Variants in BAALC observed in about 807,000 individuals in gnomAD.
BAALC encodes BAALC binder of MAP3K1 and KLF4.
A neutral mutation model predicts 15.5 loss-of-function variants in BAALC; 9 were observed. The observed-to-expected ratio is 0.58, with a 90% CI of 0.35 to 1.02. The LOEUF (loss-of-function observed/expected upper bound fraction) is 1.02. Ranked by LOEUF, BAALC falls within the 50% of genes least tolerant of loss-of-function variation. The pLI, the probability that BAALC is intolerant of heterozygous loss-of-function variation, is 0.02. For synonymous variants in BAALC, 80 were observed against 74.6 expected, an observed-to-expected ratio of 1.07 and a Z score of -0.37; for missense variants, 201 against 192.4, an observed-to-expected ratio of 1.04 and a Z score of -0.27.
chr8:103,141,631 G>A (rs1172227209), intron 1 of BAALC, among the ~76,000 whole-genome samples: 1 of 152,182 alleles, frequency 6.6e-6, no homozygotes, highest in African/African-American at 2.4e-5. Context: ...CCCAGTTTAG[G>A]TCAAAATAAA....
Position 103,210,847 on chromosome 8 carries a change from T to C in BAALC, c.161-2072T>C, listed in dbSNP as rs747004528. Reference sequence around the variant, plus strand: ...TAGGGAATATTGCTGTCTTATATACTGTTGGCAGATGGTCAACAGAAGACA... The same window carrying C: ...TAGGGAATATTGCTGTCTTATATACCGTTGGCAGATGGTCAACAGAAGACA... On this transcript the variant is annotated intron_variant, in intron 1 of 2. Transcript: ENST00000309982. Among the ~76,000 whole-genome samples, 87 of 152,362 alleles carry C rather than the reference T, an allele frequency of 5.7e-4. 1 individual carries two copies. Among genetic ancestry groups the C allele is most frequent in the Non-Finnish European group, 1.2e-3 (83 of 68,028 alleles).
chr8:103,148,450 C>G lies in BAALC; in HGVS notation c.160+7393C>G, dbSNP rs554977132. 9.2e-5 allele frequency among the ~76,000 whole-genome samples: 14 copies of G among 152,314 alleles called. No homozygotes were observed. The South Asian group carries it at 2.9e-3, about 32-fold the overall frequency. On this transcript the variant is annotated intron_variant, in intron 1 of 2. Transcript: ENST00000309982. ...ATGGAGCACATGAGATGTTTTGATA[C>G]AGGCATGCAATGTGAAATAAGCACA...
At chr8:103,194,941 C>T (rs928384188) in intron 1 of BAALC, among the ~76,000 whole-genome samples, 3 of 152,116 alleles carry the variant, frequency 2.0e-5, no homozygotes, top group Non-Finnish European at 4.4e-5. Flanking sequence ...CTTTTAATAC[C>T]ACCACAGCTG....
chr8:103,213,021 C>A lies in BAALC; in HGVS notation c.263C>A (p.Pro88Gln), dbSNP rs771458834. 3.7e-6 allele frequency: 6 copies of A among 1,614,096 alleles called. No individual in the cohort carries two copies. In the Admixed American group the frequency reaches 1.0e-4, roughly 27 times the overall value. Residue 88 changes from proline (P) to glutamine (Q), a missense_variant, in exon 2 of 3, where the codon CCA becomes CAA. Transcript: ENST00000309982. ...AAGACGAACTGTGAGACCCAGTGCCCAAATCCCCAGAGCCTCAGCTCAGGC... is the reference window on the plus strand; with the variant it reads ...AAGACGAACTGTGAGACCCAGTGCCAAAATCCCCAGAGCCTCAGCTCAGGC... ...EKKTNCETQCPNPQSLSSGPL... is the reference protein window; with the variant it reads ...EKKTNCETQCQNPQSLSSGPL...
Position 103,217,499 on chromosome 8 carries a change from T to C in BAALC, c.327+4414T>C, listed in dbSNP as rs192453485. 2.6e-5 allele frequency among the ~76,000 whole-genome samples: 4 copies of C among 152,298 alleles called. No individual in the cohort carries two copies. The East Asian group carries it at 7.7e-4, about 29-fold the overall frequency. On this transcript the variant is annotated intron_variant, in intron 2 of 2. Transcript: ENST00000309982. ...TAGTGTGTCTCTTAGACTCTGGGCCTAAGCTTTGTGCATTTTCAGTATCTG... is the reference window on the plus strand; with the variant it reads ...TAGTGTGTCTCTTAGACTCTGGGCCCAAGCTTTGTGCATTTTCAGTATCTG...
Position 103,212,987 on chromosome 8 carries a change from C to A in BAALC, c.229C>A (p.Pro77Thr). Residue 77 changes from proline (P) to threonine (T), a missense_variant, in exon 2 of 3, where the codon CCA becomes ACA. Transcript: ENST00000309982. ...TACAGCCCCAGGTGGAATACCCAAC[C>A]CAGAGAAGAAGACGAACTGTGAGAC... ...RSTAPGGIPN[P>T]EKKTNCETQC... 6.2e-7 allele frequency: 1 copy of A among 1,614,106 alleles called. No individual in the cohort carries two copies. The highest frequency in any genetic ancestry group is 8.5e-7 in the Non-Finnish European group (1 of 1,179,982).
At chr8:103,185,575 C>T (rs1481647149) in intron 1 of BAALC, among the ~76,000 whole-genome samples, 1 of 152,236 alleles carries the variant, frequency 6.6e-6, no homozygotes, top group East Asian at 1.9e-4. Flanking sequence ...GACATCAGTG[C>T]TTCAGAGTAA....
At chr8:103,187,029 A>G (rs956992283) in intron 1 of BAALC, among the ~76,000 whole-genome samples, 8 of 152,174 alleles carry the variant, frequency 5.3e-5, no homozygotes, top group African/African-American at 1.9e-4. Flanking sequence ...TCTTACAGGT[A>G]ATATCGGCCA....
chr8:103,215,874 A>G (rs1352639363), intron 2 of BAALC, among the ~76,000 whole-genome samples: 3 of 152,234 alleles, frequency 2.0e-5, no homozygotes, highest in Non-Finnish European at 2.9e-5. Flanking sequence ...AACTTCAATG[A>G]ATTCTTATAA....
intron 1 of BAALC, among the ~76,000 whole-genome samples, chr8:103,144,484 T>A (rs536685314): frequency 6.6e-6 from 1 of 152,234 alleles, no homozygotes; most frequent in Non-Finnish European, 1.5e-5. Context: ...TTAATCCTCA[T>A]AAAATCAGTC....
chr8:103,216,631 A>G (rs1456984858), intron 2 of BAALC, among the ~76,000 whole-genome samples: 1 of 152,132 alleles, frequency 6.6e-6, no homozygotes, highest in African/African-American at 2.4e-5. Flanking sequence ...ATGCACCACC[A>G]TGCCCAGCCA....
chr8:103,201,184 A>C (rs989247563), intron 1 of BAALC, among the ~76,000 whole-genome samples: 12 of 152,142 alleles, frequency 7.9e-5, no homozygotes, highest in Non-Finnish European at 1.6e-4. Flanking sequence ...ATCAAAGATC[A>C]AAGTAGGTCT....
At chr8:103,207,941 T>C (rs1002947788) in intron 1 of BAALC, among the ~76,000 whole-genome samples, 1 of 152,162 alleles carries the variant, frequency 6.6e-6, no homozygotes, top group Non-Finnish European at 1.5e-5. Flanking sequence ...TAACAGAAAA[T>C]TACCTTATAT....
At chr8:103,216,425 A>T (rs1376665101) in intron 2 of BAALC, among the ~76,000 whole-genome samples, 2 of 152,182 alleles carry the variant, frequency 1.3e-5, no homozygotes, top group Admixed American at 6.5e-5. Context: ...AAAATCAGTA[A>T]GTTGTGCTTA....
chr8:103,192,669 A>G (rs147101914), intron 1 of BAALC, among the ~76,000 whole-genome samples: 10 of 152,312 alleles, frequency 6.6e-5, no homozygotes, highest in African/African-American at 2.4e-4. Flanking sequence ...TTAGATGGCC[A>G]AGGGAAACTC....
At chr8:103,170,503 C>T (rs1167912068) in intron 1 of BAALC, among the ~76,000 whole-genome samples, 1 of 152,090 alleles carries the variant, frequency 6.6e-6, no homozygotes, top group Non-Finnish European at 1.5e-5. Flanking sequence ...TGGACACAGA[C>T]ACACAGAGAG....
chr8:103,173,921 A>G (rs1383848867), intron 1 of BAALC, among the ~76,000 whole-genome samples: 3 of 152,246 alleles, frequency 2.0e-5, no homozygotes, highest in African/African-American at 7.2e-5. Flanking sequence ...CTTGTAGTCT[A>G]CATAAGAACC....
At chr8:103,226,426 A>C (rs1812807622) in intron 2 of BAALC, among the ~76,000 whole-genome samples, 1 of 152,200 alleles carries the variant, frequency 6.6e-6, no homozygotes, top group Non-Finnish European at 1.5e-5. Flanking sequence ...TGCTGTCCCC[A>C]GCTGGAGGCT....
At chr8:103,205,547 G>T (rs969863436) in intron 1 of BAALC, among the ~76,000 whole-genome samples, 1 of 152,072 alleles carries the variant, frequency 6.6e-6, no homozygotes, top group Admixed American at 6.6e-5. Flanking sequence ...ATGATAGATA[G>T]ATAGATAGAT....
Sources: gnomAD v4.1 joint callset for allele counts (sites outside exome capture counted in the v4.1 genomes callset) on GRCh38, gnomAD v4.1.1 for gene constraint, MANE v1.5 for transcripts, NCBI Gene and HGNC (gene_info 2026-07-23, HGNC 2026-07-21) for gene names.